The following RABGAP1L variants were observed in gnomAD, a reference collection of about 807,000 sequenced individuals.
RABGAP1L encodes the protein rab GTPase-activating protein 1-like.
A neutral mutation model predicts 137.7 loss-of-function variants in RABGAP1L; 63 were observed. The ratio of observed to expected loss-of-function variants is 0.46; its 90% CI spans 0.37 to 0.56. The LOEUF is 0.56. Among genes scored for constraint, RABGAP1L ranks in the 20% least tolerant of loss-of-function variants. The pLI is 0.00. For missense variants in RABGAP1L, 1,095 were observed against 1,244.0 expected (o/e 0.88, Z 1.80); for synonymous variants, 431 against 433.7 (o/e 0.99, Z 0.08).
At chr1:174,696,383 G>A (rs779695754) in intron 15 of RABGAP1L, among the ~76,000 whole-genome samples, 11 of 151,982 alleles carry the variant, frequency 7.2e-5, no homozygotes, top group Non-Finnish European at 1.3e-4. Flanking sequence ...TTACTTTTTT[G>A]TTGTTGTTTC....
At chr1:174,254,466 G>T (rs1424947690) in intron 7 of RABGAP1L, among the ~76,000 whole-genome samples, 1 of 152,000 alleles carries the variant, frequency 6.6e-6, no homozygotes, top group Admixed American at 6.6e-5. Context: ...TTACCTATTT[G>T]TCCTAATGCT....
intron 15 of RABGAP1L, among the ~76,000 whole-genome samples, chr1:174,692,029 C>G (rs1299830782): frequency 6.6e-6 from 1 of 152,100 alleles, no homozygotes; most frequent in Non-Finnish European, 1.5e-5. Flanking sequence ...AATAGAATTA[C>G]AGGAAATCAA....
chr1:174,331,000 A>G (rs181277459), intron 11 of RABGAP1L, among the ~76,000 whole-genome samples: 209 of 152,350 alleles, frequency 1.4e-3, no homozygotes, highest in African/African-American at 4.8e-3. Context: ...GCATAGACCT[A>G]TGGAACAAAA....
chr1:174,681,362 CA>C (rs752361025), intron 14 of RABGAP1L, among the ~76,000 whole-genome samples: 60 of 152,066 alleles, frequency 3.9e-4, no homozygotes, highest in Non-Finnish European at 7.5e-4. Context: ...TGCTACTCAG[CA>C]ATGAAAAGGA....
chr1:174,202,670 T>A (rs996182025), intron 1 of RABGAP1L, among the ~76,000 whole-genome samples: 3 of 152,222 alleles, frequency 2.0e-5, no homozygotes, highest in Admixed American at 6.5e-5. Flanking sequence ...ATCCCATTTG[T>A]CAATTTTGGC....
chr1:174,448,816 A>G lies in RABGAP1L; in HGVS notation c.1710+54671A>G. On this transcript the variant is annotated intron_variant, in intron 13 of 25. Coordinates refer to ENST00000681986, the MANE Select transcript of RABGAP1L (RefSeq NM_001366446.1). The surrounding 1 kb of genome is among the most constrained non-coding windows in gnomAD (Gnocchi z 4.2). ...TCAAAATTTGCCGTCAGCACACCAA[A>G]GAGATAAATGACCGAAGAGCCCGAT... 1.2e-6 allele frequency: 2 copies of G among 1,613,962 alleles called. No individual in the cohort carries two copies. The highest frequency in any genetic ancestry group is 4.5e-5 in the East Asian group (2 of 44,888).
chr1:174,765,113 G>A (rs1487150726), intron 18 of RABGAP1L, among the ~76,000 whole-genome samples: 1 of 152,184 alleles, frequency 6.6e-6, no homozygotes, highest in African/African-American at 2.4e-5. Context: ...TCCCGTATTA[G>A]CAGGGTGAAT....
chr1:174,571,235 A>T (rs1412206222), intron 13 of RABGAP1L, among the ~76,000 whole-genome samples: 1 of 152,116 alleles, frequency 6.6e-6, no homozygotes, highest in East Asian at 1.9e-4. Flanking sequence ...TTGAACTCAT[A>T]GAGAGAGAAT....
chr1:174,397,412 G>A (rs938658789), intron 13 of RABGAP1L, among the ~76,000 whole-genome samples: 2 of 152,090 alleles, frequency 1.3e-5, no homozygotes, highest in African/African-American at 2.4e-5. Flanking sequence ...TCACTCTGGG[G>A]TTACTGTTTC....
At position 174,957,746 on chromosome 1, in the gene RABGAP1L, T is replaced by TC. The variant is rs377392783; in HGVS notation, c.2433+198dup. The stretch of plus-strand genomic sequence containing the variant: ...ACCTTTTTTTTTTTTTTTTTTTTTT[T>TC]CTTAAAGCAGCAGTTGTGGCAAGTT... On this transcript the variant is annotated intron_variant, in intron 20 of 25. Coordinates refer to ENST00000681986, the MANE Select transcript of RABGAP1L (RefSeq NM_001366446.1). The TC allele has an allele frequency of 5.0e-6, 4 of 796,122 alleles. No homozygotes were observed. The African/African-American group carries it at 7.5e-5, about 15-fold the overall frequency. 49.3% of individuals were successfully genotyped at this position (796,122 alleles called of 1,614,324 possible). A position where few individuals can be genotyped will look rare whatever the true frequency, so the allele number is the denominator to read the frequency against.
At chr1:174,906,720 GA>G (rs1659151603) in intron 19 of RABGAP1L, among the ~76,000 whole-genome samples, 1 of 151,998 alleles carries the variant, frequency 6.6e-6, no homozygotes, top group Admixed American at 6.6e-5. Flanking sequence ...ACCCAAATAA[GA>G]TATCCCAAGG....
chr1:174,936,590 C>G (rs1166720550), intron 19 of RABGAP1L, among the ~76,000 whole-genome samples: 1 of 152,142 alleles, frequency 6.6e-6, no homozygotes, highest in Non-Finnish European at 1.5e-5. Context: ...GAGCAAGACC[C>G]TTTCTCAAAA....
At chr1:174,205,644 T>C (rs1051179220) in intron 1 of RABGAP1L, among the ~76,000 whole-genome samples, 1 of 152,130 alleles carries the variant, frequency 6.6e-6, no homozygotes, top group Non-Finnish European at 1.5e-5. Flanking sequence ...TCCTTTGTTA[T>C]TTCTAATTGT....
intron 13 of RABGAP1L, among the ~76,000 whole-genome samples, chr1:174,417,596 G>A (rs893443433): frequency 5.3e-5 from 8 of 152,106 alleles, no homozygotes; most frequent in African/African-American, 1.9e-4. Context: ...TTCAAGTTTT[G>A]TATCTCTGGG....
intron 13 of RABGAP1L, among the ~76,000 whole-genome samples, chr1:174,604,446 GACTGTCTTTTCT>G (rs1409519311): frequency 6.6e-6 from 1 of 152,198 alleles, no homozygotes; most frequent in Non-Finnish European, 1.5e-5. Flanking sequence ...GGCAATTCAA[GACTGTCTTTTCT>G]ACCCTCTTCA....
At chr1:174,621,028 A>G (rs1672404810) in intron 13 of RABGAP1L, among the ~76,000 whole-genome samples, 1 of 152,172 alleles carries the variant, frequency 6.6e-6, no homozygotes, top group Admixed American at 6.5e-5. Flanking sequence ...TAAACTAGAA[A>G]ATCTAGAAGA....
rs754800322 is a variant in RABGAP1L at position 174,873,953 on chromosome 1, C to T, written c.2340+61993C>T. Among the ~76,000 whole-genome samples, 153 of 152,288 alleles carry T rather than the reference C, an allele frequency of 1.0e-3. 1 individual carries two copies. The highest frequency in any genetic ancestry group is 1.9e-3 in the Non-Finnish European group (128 of 68,016). On this transcript the variant is annotated intron_variant, in intron 19 of 25. Coordinates refer to ENST00000681986, the MANE Select transcript of RABGAP1L (RefSeq NM_001366446.1). ...AAGCTTTTCTTGATTTTTGTTTCGG[C>T]TGTCTCTAAATTTGACACTTGAGAA...
intron 13 of RABGAP1L, among the ~76,000 whole-genome samples, chr1:174,626,940 G>A (rs1418065920): frequency 6.6e-6 from 1 of 152,164 alleles, no homozygotes. Context: ...AGTAAGAATA[G>A]AAGGCAAAGT....
chr1:174,845,204 G>C (rs965634145), intron 19 of RABGAP1L, among the ~76,000 whole-genome samples: 2 of 101,268 alleles, frequency 2.0e-5, no homozygotes, highest in African/African-American at 5.6e-5. Context: ...TTTCCTAATT[G>C]AATACCTTTT....
Sources: allele counts gnomAD v4.1 joint callset (sites outside exome capture counted in the v4.1 genomes callset), GRCh38; gene constraint gnomAD v4.1.1; non-coding constraint Gnocchi (gnomAD v3.1); transcripts MANE v1.5; gene names NCBI Gene and HGNC (gene_info 2026-07-23, HGNC 2026-07-21).